The following SEPTIN14 variants were observed in gnomAD, a reference collection of about 807,000 sequenced individuals.
The protein encoded by SEPTIN14 is septin 14, also known as septin-14.
In SEPTIN14, 40 loss-of-function variants were observed where a neutral mutation model predicts 53.6. The ratio of observed to expected loss-of-function variants is 0.75; its 90% CI spans 0.58 to 0.97. The LOEUF is 0.97. Ranked by LOEUF, SEPTIN14 falls within the 50% of genes least tolerant of loss-of-function variation. SEPTIN14 has a pLI of 0.00. For missense variants in SEPTIN14, 471 were observed against 508.2 expected, an observed-to-expected ratio of 0.93 and a Z score of 0.70; for synonymous variants, 138 against 166.8, an observed-to-expected ratio of 0.83 and a Z score of 1.33.
intron 3 of SEPTIN14, 86 bp from the exon 4 acceptor site, chr7:55,844,804 A>G: frequency 1.6e-6 from 1 of 632,026 alleles, no homozygotes; most frequent in East Asian, 3.2e-5. Flanking sequence ...GGTTTTTAAA[A>G]TCTTAGAAAG....
At chr7:55,819,787 A>T (rs114609045) in intron 6 of SEPTIN14, among the ~76,000 whole-genome samples, 4 of 152,252 alleles carry the variant, frequency 2.6e-5, no homozygotes, top group African/African-American at 9.6e-5. Flanking sequence ...AAACACATAG[A>T]AAAAAGATTT....
At chr7:55,801,497 G>T (rs1410904179) in intron 9 of SEPTIN14, among the ~76,000 whole-genome samples, 2 of 152,114 alleles carry the variant, frequency 1.3e-5, no homozygotes, top group Non-Finnish European at 2.9e-5. Context: ...ACGAAGACTG[G>T]ATCATGAAGA....
intron 5 of SEPTIN14, among the ~76,000 whole-genome samples, chr7:55,840,607 C>A (rs1789292796): frequency 6.6e-6 from 1 of 152,108 alleles, no homozygotes; most frequent in African/African-American, 2.4e-5. Flanking sequence ...GAAAGCACAT[C>A]TTCTGACACC....
Position 55,846,070 on chromosome 7 carries a change from T to TATATATATATATATAC in SEPTIN14, c.175+446_175+447insGTATATATATATATAT, listed in dbSNP as rs1789400260. Among the ~76,000 whole-genome samples the TATATATATATATATAC allele has an allele frequency of 2.0e-5, 2 of 101,088 alleles. 1 individual carries two copies. Among genetic ancestry groups the TATATATATATATATAC allele is most frequent in the Non-Finnish European group, 4.3e-5 (2 of 46,604 alleles). 66.3% of individuals were successfully genotyped at this position (101,088 alleles called of 152,430 possible). A position where few individuals can be genotyped will look rare whatever the true frequency, so the allele number is the denominator to read the frequency against. On this transcript the variant is annotated intron_variant, in intron 3 of 9. Transcript: ENST00000388975. ...TCTCAGAAAAAAAAAAAAAAGTATA[T>TATATATATATATATAC]ATATATATATATATATATATATGTA... is the stretch of plus-strand genomic sequence containing the variant.
chr7:55,836,062 C>T (rs1254380710), intron 5 of SEPTIN14, among the ~76,000 whole-genome samples: 1 of 151,802 alleles, frequency 6.6e-6, no homozygotes, highest in Non-Finnish European at 1.5e-5. Context: ...TTCTAAAGGC[C>T]GTGTGTGTAT....
intron 7 of SEPTIN14, among the ~76,000 whole-genome samples, chr7:55,812,347 G>C (rs1465807014): frequency 6.6e-6 from 1 of 152,128 alleles, no homozygotes; most frequent in Non-Finnish European, 1.5e-5. Context: ...GACAAATACT[G>C]CATAATCTCA....
intron 7 of SEPTIN14, among the ~76,000 whole-genome samples, chr7:55,814,034 A>G (rs974734873): frequency 6.6e-6 from 1 of 152,136 alleles, no homozygotes; most frequent in Non-Finnish European, 1.5e-5. Context: ...CCTAGCACAG[A>G]CAGAGAGACT....
At chr7:55,859,340 C>T (rs565078269) in intron 2 of SEPTIN14, among the ~76,000 whole-genome samples, 29 of 152,142 alleles carry the variant, frequency 1.9e-4, no homozygotes, top group Admixed American at 4.6e-4. Flanking sequence ...TTTCCTGGAA[C>T]CATTTAGTGA....
At chr7:55,834,955 T>A (rs1009134238) in intron 5 of SEPTIN14, among the ~76,000 whole-genome samples, 1 of 151,982 alleles carries the variant, frequency 6.6e-6, no homozygotes, top group African/African-American at 2.4e-5. Context: ...ATCCTATAGT[T>A]TTTATAGTAA....
chr7:55,796,508 C>T (rs1204753746), intron 9 of SEPTIN14, among the ~76,000 whole-genome samples: 1 of 151,988 alleles, frequency 6.6e-6, no homozygotes, highest in East Asian at 2.0e-4. Context: ...GGTGATCCTC[C>T]CGCTTTGGCC....
At chr7:55,832,202 AACACACACAC>A (rs112349116) in intron 6 of SEPTIN14, among the ~76,000 whole-genome samples, 4,148 of 144,968 alleles carry the variant, frequency 0.029, 94 homozygotes, top group African/African-American at 0.049. Flanking sequence ...CTCTGTCTCA[AACACACACAC>A]ACACACACAC....
intron 6 of SEPTIN14, among the ~76,000 whole-genome samples, chr7:55,833,944 A>G (rs766689387): frequency 2.6e-5 from 4 of 152,140 alleles, no homozygotes; most frequent in Non-Finnish European, 4.4e-5. Context: ...GACAACTTAG[A>G]AGAAATGGTG....
intron 2 of SEPTIN14, among the ~76,000 whole-genome samples, chr7:55,850,518 A>G (rs1164089899): frequency 2.0e-5 from 3 of 152,152 alleles, no homozygotes; most frequent in African/African-American, 7.2e-5. Flanking sequence ...CATCACAAAA[A>G]GAGAAAATTA....
intron 5 of SEPTIN14, 142 bp downstream of exon 5, chr7:55,842,800 C>G (rs1360439355): frequency 1.6e-5 from 7 of 437,452 alleles, no homozygotes; most frequent in Non-Finnish European, 2.8e-5. Flanking sequence ...GTAGTCCCAG[C>G]TACTCGGGAG....
chr7:55,857,349 G>T (rs896846071), intron 2 of SEPTIN14, among the ~76,000 whole-genome samples: 1 of 146,202 alleles, frequency 6.8e-6, no homozygotes, highest in Non-Finnish European at 1.5e-5. Context: ...TCCAGCCTGG[G>T]CAACAAGAGG....
At chr7:55,824,116 T>C (rs539314813) in intron 6 of SEPTIN14, among the ~76,000 whole-genome samples, 2 of 152,250 alleles carry the variant, frequency 1.3e-5, no homozygotes, top group Admixed American at 6.5e-5. Flanking sequence ...GAAAACATCA[T>C]TGATGAATGG....
chr7:55,828,462 G>A (rs181985948), intron 6 of SEPTIN14, among the ~76,000 whole-genome samples: 12 of 152,064 alleles, frequency 7.9e-5, no homozygotes, highest in South Asian at 2.1e-4. Context: ...CCACTACCAC[G>A]CCCGGCTAAT....
chr7:55,796,452 G>A (rs1383108213), intron 9 of SEPTIN14, among the ~76,000 whole-genome samples: 9 of 151,670 alleles, frequency 5.9e-5, no homozygotes, highest in African/African-American at 1.9e-4. Flanking sequence ...TAGTAGAGAC[G>A]GGGTTTCACC....
chr7:55,797,259 A>C (rs1788447072), intron 9 of SEPTIN14, among the ~76,000 whole-genome samples: 1 of 152,244 alleles, frequency 6.6e-6, no homozygotes, highest in Non-Finnish European at 1.5e-5. Flanking sequence ...AATGGCTGAA[A>C]ACTCTCTAAA....
Sources: allele counts gnomAD v4.1 joint callset (sites outside exome capture counted in the v4.1 genomes callset), GRCh38; gene constraint gnomAD v4.1.1; transcripts MANE v1.5; gene names NCBI Gene and HGNC (gene_info 2026-07-23, HGNC 2026-07-21).